Variants in TLN2 observed in about 807,000 individuals in gnomAD.
TLN2 encodes talin-2.
In TLN2, 118 loss-of-function variants were observed where a neutral mutation model predicts 294.7. The observed-to-expected ratio is 0.40, with a 90% CI of 0.34 to 0.47. The LOEUF is 0.47. Ranked by LOEUF, TLN2 falls within the 20% of genes least tolerant of loss-of-function variation. TLN2 has a pLI of 0.84. For synonymous variants in TLN2, 1,431 were observed against 1,304.5 expected, an observed-to-expected ratio of 1.10 and a Z score of -2.09; for missense variants, 3,083 against 3,282.2, an observed-to-expected ratio of 0.94 and a Z score of 1.48.
Position 62,482,278 on chromosome 15 carries a change from A to T in TLN2, c.-238+91593A>T, listed in dbSNP as rs775248946. Among the ~76,000 whole-genome samples, 18 of 152,268 alleles carry T rather than the reference A, an allele frequency of 1.2e-4. 1 individual carries two copies. In the South Asian group the frequency reaches 3.3e-3, roughly 28 times the overall value. On this transcript the variant is annotated intron_variant, in intron 1 of 58. Transcript: ENST00000636159. The stretch of plus-strand genomic sequence containing the variant: ...TTCTATAGAATTTCAAGGTCAAAGG[A>T]TATGCTCCTTTAAAAATGTCCCTTT...
chr15:62,547,675 T>C (rs916640679), intron 1 of TLN2, among the ~76,000 whole-genome samples: 1 of 152,186 alleles, frequency 6.6e-6, no homozygotes, highest in African/African-American at 2.4e-5. Flanking sequence ...CAGGATGATA[T>C]TTGAAAGGTG....
chr15:62,530,221 A>G (rs2040969937), intron 1 of TLN2, among the ~76,000 whole-genome samples: 1 of 152,252 alleles, frequency 6.6e-6, no homozygotes, highest in Non-Finnish European at 1.5e-5. Context: ...GTTATTCTTA[A>G]TATTGATGAA....
At chr15:62,619,487 C>T (rs2048587691) in intron 3 of TLN2, among the ~76,000 whole-genome samples, 1 of 152,200 alleles carries the variant, frequency 6.6e-6, no homozygotes. Flanking sequence ...TTTTCATTAA[C>T]AACTGTAGTG....
At chr15:62,535,149 G>T (rs969305719) in intron 1 of TLN2, among the ~76,000 whole-genome samples, 1 of 152,192 alleles carries the variant, frequency 6.6e-6, no homozygotes, top group Non-Finnish European at 1.5e-5. Context: ...ACATTCCTTT[G>T]TGTTAGCTGT....
At chr15:62,407,671 C>A (rs1008715618) in intron 1 of TLN2, among the ~76,000 whole-genome samples, 1 of 152,160 alleles carries the variant, frequency 6.6e-6, no homozygotes, top group African/African-American at 2.4e-5. Context: ...AATCCCAACA[C>A]TTTGGGAGGT....
rs1555466886 is a variant in TLN2, at chr15:62,677,806, C to CTTTTTTTTTTTTTCTTT, written c.957+2498_957+2499insCTTTTTTTTTTTTTTTT. Among the ~76,000 whole-genome samples, 2 of 75,252 alleles carry CTTTTTTTTTTTTTCTTT rather than the reference C, an allele frequency of 2.7e-5. 1 individual carries two copies. Among genetic ancestry groups the CTTTTTTTTTTTTTCTTT allele is most frequent in the African/African-American group, 9.5e-5 (2 of 21,160 alleles). The allele number at this position is 75,252 out of a possible 152,430, so 49.4% of individuals were successfully genotyped here. A position where few individuals can be genotyped will look rare whatever the true frequency, so the allele number is the denominator to read the frequency against. ...TTAAGAAAGTAGGCAGCACTTGCAA[C>CTTTTTTTTTTTTTCTTT]TTTTTTTTTTTTTTTGAGACGGAGA... On this transcript the variant is annotated intron_variant, in intron 11 of 58. Coordinates refer to ENST00000636159, the MANE Select transcript of TLN2 (RefSeq NM_015059.3).
intron 51 of TLN2, 85 bp from the exon 52 acceptor site, chr15:62,809,840 G>C (rs1254723163): frequency 7.6e-7 from 1 of 1,323,108 alleles, no homozygotes; most frequent in Non-Finnish European, 1.1e-6. Flanking sequence ...GGTCACCAGG[G>C]TTAAGGTCTC....
At chr15:62,787,204 T>G (rs923123189) in intron 45 of TLN2, among the ~76,000 whole-genome samples, 4 of 152,222 alleles carry the variant, frequency 2.6e-5, no homozygotes, top group Non-Finnish European at 4.4e-5. Flanking sequence ...CACTTTTTTC[T>G]TCCATGTTTT....
At chr15:62,598,920 A>G (rs956713792) in intron 2 of TLN2, among the ~76,000 whole-genome samples, 1 of 152,042 alleles carries the variant, frequency 6.6e-6, no homozygotes, top group Non-Finnish European at 1.5e-5. Context: ...ACTCCTCCTC[A>G]CTAGACAGAA....
intron 1 of TLN2, among the ~76,000 whole-genome samples, chr15:62,481,612 C>G (rs145378466): frequency 6.6e-6 from 1 of 152,280 alleles, no homozygotes; most frequent in Non-Finnish European, 1.5e-5. Flanking sequence ...CCTCCCACCT[C>G]AGTCTCCCAA....
chr15:62,641,008 G>A (rs1020825324), intron 3 of TLN2, among the ~76,000 whole-genome samples: 1 of 151,732 alleles, frequency 6.6e-6, no homozygotes, highest in Non-Finnish European at 1.5e-5. Context: ...CACCATGTTG[G>A]CCAGGCTGGT....
At chr15:62,757,237 C>G (rs1310305762) in intron 37 of TLN2, among the ~76,000 whole-genome samples, 1 of 152,190 alleles carries the variant, frequency 6.6e-6, no homozygotes, top group Non-Finnish European at 1.5e-5. Flanking sequence ...CCCAGAGCCC[C>G]TGCTTTCAGC....
rs931368355 is a variant in TLN2, at chr15:62,696,213, G to A, written c.1293-1475G>A. ...AGCCTTGCTCTGGGCAACAGGGTGCGAGGGCCCTGGGACAGAGGTCCCTGT... is the reference window on the plus strand; with the variant it reads ...AGCCTTGCTCTGGGCAACAGGGTGCAAGGGCCCTGGGACAGAGGTCCCTGT... On this transcript the variant is annotated intron_variant, in intron 14 of 58. Transcript: ENST00000636159. Among the ~76,000 whole-genome samples, 7 of 152,276 alleles carry A rather than the reference G, an allele frequency of 4.6e-5. No homozygotes were observed. In the South Asian group the frequency reaches 6.2e-4, roughly 14 times the overall value.
chr15:62,596,882 G>C (rs2046572896), intron 2 of TLN2, among the ~76,000 whole-genome samples: 1 of 152,164 alleles, frequency 6.6e-6, no homozygotes, highest in Non-Finnish European at 1.5e-5. Context: ...CTACTTCTTA[G>C]AGCAACTACT....
intron 9 of TLN2, among the ~76,000 whole-genome samples, chr15:62,673,072 TTGTG>T (rs60589441): frequency 2.7e-4 from 39 of 144,796 alleles, no homozygotes; most frequent in Admixed American, 8.4e-4. Context: ...CCTAATTTAA[TTGTG>T]TGTGTGTGTG....
intron 20 of TLN2, 51 bp from the exon 21 acceptor site, chr15:62,708,450 AG>A: frequency 6.3e-7 from 1 of 1,579,334 alleles, no homozygotes; most frequent in Non-Finnish European, 8.7e-7. Context: ...GCACATGGAG[AG>A]GGACCAGGAT....
chr15:62,722,491 A>G lies in TLN2; in HGVS notation c.3126+4A>G. The stretch of plus-strand genomic sequence containing the variant: ...GCTGCGTACCGCCTCGCAGAAGGCA[A>G]GTGGAGCGTGTCATAGGGGTTAACT... On this transcript the variant is annotated splice_donor_region_variant and intron_variant, in intron 26 of 58. Coordinates refer to ENST00000636159, the MANE Select transcript of TLN2 (RefSeq NM_015059.3). The G allele has an allele frequency of 6.2e-7, 1 of 1,609,250 alleles. No homozygotes were observed. Among genetic ancestry groups the G allele is most frequent in the Non-Finnish European group, 8.5e-7 (1 of 1,177,802 alleles).
At chr15:62,776,584 T>G (rs2063734061) in intron 42 of TLN2, among the ~76,000 whole-genome samples, 180 bp from the exon 43 acceptor site, 1 of 152,216 alleles carries the variant, frequency 6.6e-6, no homozygotes, top group African/African-American at 2.4e-5. Context: ...CTATTTGTCT[T>G]TCTGATTTTT....
intron 48 of TLN2, among the ~76,000 whole-genome samples, chr15:62,798,909 G>A (rs1194993539): frequency 2.0e-5 from 3 of 152,166 alleles, no homozygotes; most frequent in South Asian, 2.1e-4. Context: ...AAAAACCTCC[G>A]CTACAGGTGG....
Sources: allele counts gnomAD v4.1 joint callset (sites outside exome capture counted in the v4.1 genomes callset), GRCh38; gene constraint gnomAD v4.1.1; transcripts MANE v1.5; gene names NCBI Gene and HGNC (gene_info 2026-07-23, HGNC 2026-07-21).